Variants in TRPC4 observed in about 807,000 individuals in gnomAD.
TRPC4 encodes the protein short transient receptor potential channel 4.
In TRPC4, 49 loss-of-function variants were observed where a neutral mutation model predicts 99.4. The observed-to-expected ratio is 0.49, with a 90% CI of 0.39 to 0.63. TRPC4 has a LOEUF of 0.63. TRPC4 is among the 20% of genes least tolerant of loss of function. The probability of loss-of-function intolerance (pLI) is 0.00; values close to 1 mark genes in which losing one functional copy is unlikely to be tolerated. For missense variants in TRPC4, 898 were observed against 1,152.9 expected, an observed-to-expected ratio of 0.78 and a Z score of 3.20; for synonymous variants, 454 against 425.9, an observed-to-expected ratio of 1.07 and a Z score of -0.81.
chr13:37,650,971 A>C (rs538631386), intron 8 of TRPC4, among the ~76,000 whole-genome samples: 3 of 152,218 alleles, frequency 2.0e-5, no homozygotes, highest in Non-Finnish European at 4.4e-5. Flanking sequence ...CAAGGTATTA[A>C]GACAGAGTAT....
At chr13:37,716,575 A>C (rs1954674456) in intron 3 of TRPC4, among the ~76,000 whole-genome samples, 1 of 152,158 alleles carries the variant, frequency 6.6e-6, no homozygotes, top group South Asian at 2.1e-4. Flanking sequence ...GAACCTACAT[A>C]GTATCTTGAG....
chr13:37,761,584 C>G lies in TRPC4; in HGVS notation c.379-15129G>C, dbSNP rs181108853. Among the ~76,000 whole-genome samples the G allele has an allele frequency of 3.9e-5, 6 of 151,984 alleles. No homozygotes were observed. In the East Asian group the frequency reaches 1.2e-3, roughly 30 times the overall value. ...AATATTTCTCATTAAGGAACAAGAA[C>G]TGAAGAAACATATATCAAAGCCTTC... On this transcript the variant is annotated intron_variant, in intron 2 of 10. Transcript: ENST00000379705.
At chr13:37,637,662 T>C (rs1443083851) in intron 10 of TRPC4, 37 bp from the exon 11 acceptor site, 1 of 1,531,516 alleles carries the variant, frequency 6.5e-7, no homozygotes, top group African/African-American at 1.4e-5. Context: ...CGGTTATGAC[T>C]TAAACATTTG....
intron 1 of TRPC4, among the ~76,000 whole-genome samples, chr13:37,830,803 G>GTATATA (rs148590771): frequency 7.6e-4 from 111 of 146,144 alleles, no homozygotes; most frequent in African/African-American, 2.7e-3. Context: ...TATATTTTTT[G>GTATATA]TATATATATA....
At chr13:37,834,244 AT>A (rs1958500150) in intron 1 of TRPC4, among the ~76,000 whole-genome samples, 3 of 152,178 alleles carry the variant, frequency 2.0e-5, no homozygotes, top group Non-Finnish European at 4.4e-5. Flanking sequence ...AAAACATTTA[AT>A]TTTTTCACTC....
At chr13:37,839,564 T>G (rs1426142759) in intron 1 of TRPC4, among the ~76,000 whole-genome samples, 1 of 152,198 alleles carries the variant, frequency 6.6e-6, no homozygotes, top group Non-Finnish European at 1.5e-5. Flanking sequence ...ATCCTGTCAT[T>G]TAATGAGGGA....
intron 2 of TRPC4, among the ~76,000 whole-genome samples, chr13:37,763,038 T>C (rs1593685463): frequency 1.3e-5 from 2 of 151,566 alleles, no homozygotes; most frequent in South Asian, 2.1e-4. Context: ...AATGCAAGGG[T>C]AAAATTTGGC....
chr13:37,770,054 A>T (rs1214603511), intron 2 of TRPC4, among the ~76,000 whole-genome samples: 1 of 151,448 alleles, frequency 6.6e-6, no homozygotes, highest in Non-Finnish European at 1.5e-5. Context: ...ATCATTTTCA[A>T]CCCTGAAATA....
rs750033296 is a variant in TRPC4, at chr13:37,639,058, C to G, written c.2193G>C (p.Leu731=). 6.2e-7 allele frequency: 1 copy of G among 1,613,584 alleles called. No individual in the cohort carries two copies. Among genetic ancestry groups the G allele is most frequent in the Non-Finnish European group, 8.5e-7 (1 of 1,179,588 alleles). ...MIRDAKTEEG[L]TEENFKELKQ... The stretch of plus-strand genomic sequence containing the variant: ...TGGTTACCTTAAAGTTCTCTTCGGT[C>G]AGGCCTTCTTCAGTTTTAGCATCTC... The change falls in exon 10 of 11, where the codon CTG becomes CTC. Residue 731 remains leucine (L), a synonymous_variant. Transcript: ENST00000379705.
chr13:37,710,894 G>C (rs1954461583), intron 3 of TRPC4, among the ~76,000 whole-genome samples: 1 of 151,856 alleles, frequency 6.6e-6, no homozygotes, highest in Admixed American at 6.6e-5. Context: ...GAAGGTAATT[G>C]AGAAATAAGC....
intron 1 of TRPC4, among the ~76,000 whole-genome samples, chr13:37,802,543 T>A (rs1957430319): frequency 6.6e-6 from 1 of 152,046 alleles, no homozygotes; most frequent in African/African-American, 2.4e-5. Context: ...CCCACAGAAG[T>A]GATGTGGCCA....
chr13:37,865,349 T>C (rs1237003477), intron 1 of TRPC4, among the ~76,000 whole-genome samples: 1 of 151,710 alleles, frequency 6.6e-6, no homozygotes, highest in Non-Finnish European at 1.5e-5. Flanking sequence ...AGCTTACAGA[T>C]GGTCAAAAGG....
Position 37,637,012 on chromosome 13 carries a change from G to C in TRPC4, c.2825C>G (p.Pro942Arg). 1 of 1,613,660 alleles carries C rather than the reference G, an allele frequency of 6.2e-7. No homozygotes were observed. Among genetic ancestry groups the C allele is most frequent in the Non-Finnish European group, 8.5e-7 (1 of 1,179,746 alleles). ...SEKVVVEDTV[P>R]IIPKEKHAKE... ...TGCATGTTTCTCCTTTGGTATTATA[G>C]GAACCGTGTCCTCCACCACCACCTT... Residue 942 changes from proline to arginine, a missense_variant, in exon 11 of 11, where the codon CCT becomes CGT. Physicochemically the swap from Pro to Arg is moderately radical, Grantham distance 103. This residue lies in a region of TRPC4 where 346 missense variants were observed against 351.4 expected (regional missense o/e 0.98). Transcript: ENST00000379705.
At chr13:37,826,744 A>T (rs1958229697) in intron 1 of TRPC4, among the ~76,000 whole-genome samples, 1 of 152,050 alleles carries the variant, frequency 6.6e-6, no homozygotes, top group Non-Finnish European at 1.5e-5. Context: ...TCTGACAATT[A>T]TGTGTCTTGG....
chr13:37,728,916 C>A (rs1955154214), intron 3 of TRPC4, among the ~76,000 whole-genome samples: 1 of 151,986 alleles, frequency 6.6e-6, no homozygotes, highest in Non-Finnish European at 1.5e-5. Flanking sequence ...GTGCCAAGAC[C>A]ATTCAATAGG....
chr13:37,754,482 T>C (rs74047154), intron 2 of TRPC4, among the ~76,000 whole-genome samples: 2,450 of 152,238 alleles, frequency 0.016, 69 homozygotes, highest in African/African-American at 0.056. Flanking sequence ...ATAAAGGCAT[T>C]ACACCCAGGA....
At chr13:37,684,793 TTACAC>T (rs1479794081) in intron 4 of TRPC4, among the ~76,000 whole-genome samples, 2 of 94,846 alleles carry the variant, frequency 2.1e-5, no homozygotes, top group African/African-American at 8.5e-5. Context: ...TGAGTACCCC[TTACAC>T]ACACACACAC....
At chr13:37,865,393 G>A (rs1350614454) in intron 1 of TRPC4, among the ~76,000 whole-genome samples, 2 of 151,312 alleles carry the variant, frequency 1.3e-5, no homozygotes, top group African/African-American at 4.8e-5. Flanking sequence ...TAAATTATAA[G>A]CTCATGAGTA....
chr13:37,825,353 A>C (rs974949787), intron 1 of TRPC4, among the ~76,000 whole-genome samples: 1 of 148,492 alleles, frequency 6.7e-6, no homozygotes, highest in Non-Finnish European at 1.5e-5. Flanking sequence ...TAGTTCTTTT[A>C]ATTGTGATGT....
Sources: allele counts gnomAD v4.1 joint callset (sites outside exome capture counted in the v4.1 genomes callset), GRCh38; gene constraint gnomAD v4.1.1; regional missense constraint gnomAD v4.1.1; transcripts MANE v1.5; gene names NCBI Gene and HGNC (gene_info 2026-07-23, HGNC 2026-07-21).